CSMD3: variants seen among roughly 807,000 people sequenced by gnomAD.
CSMD3 encodes the protein CUB and sushi domain-containing protein 3.
A neutral mutation model predicts 435.2 loss-of-function variants in CSMD3; 177 were observed. The ratio of observed to expected loss-of-function variants is 0.41; its 90% CI spans 0.36 to 0.46. CSMD3 has a LOEUF of 0.46. CSMD3 is among the 20% of genes least tolerant of loss of function. The pLI is 0.34. For missense variants in CSMD3, 4,265 were observed against 4,504.6 expected (o/e 0.95, Z 1.52); for synonymous variants, 1,656 against 1,520.5 (o/e 1.09, Z -2.07).
At chr8:113,122,720 G>A (rs144449255) in intron 4 of CSMD3, among the ~76,000 whole-genome samples, 16 of 152,188 alleles carry the variant, frequency 1.1e-4, no homozygotes, top group Non-Finnish European at 2.2e-4. Flanking sequence ...TTCCAGAAAG[G>A]AATGCAGCTC....
At chr8:112,636,538 TTCTATCTATCTATCTATCTATCTATCTA>T (rs5894094) in intron 22 of CSMD3, among the ~76,000 whole-genome samples, 18 of 149,454 alleles carry the variant, frequency 1.2e-4, no homozygotes, top group East Asian at 2.0e-4. Context: ...TCTATCATAT[TTCTATCTATCTATCTATCTATCTATCTA>T]TCTATCTATC....
At position 113,121,130 on chromosome 8, in the gene CSMD3, C is replaced by A. The variant is rs540428287; in HGVS notation, c.710-22167G>T. Among the ~76,000 whole-genome samples, 309 of 152,124 alleles carry A rather than the reference C, an allele frequency of 2.0e-3. No homozygotes were observed. In the Middle Eastern group the frequency reaches 0.031, roughly 15 times the overall value. ...TTCCAAATCAATTTAGTTTTGTGTGCTAATATTTTATTAGAGCCCTGGAGA... is the reference window on the plus strand; with the variant it reads ...TTCCAAATCAATTTAGTTTTGTGTGATAATATTTTATTAGAGCCCTGGAGA... On this transcript the variant is annotated intron_variant, in intron 4 of 70. Coordinates refer to ENST00000297405, the MANE Select transcript of CSMD3 (RefSeq NM_198123.2).
At chr8:113,355,317 TAGTC>T (rs1281622489) in intron 1 of CSMD3, among the ~76,000 whole-genome samples, 1 of 151,986 alleles carries the variant, frequency 6.6e-6, no homozygotes, top group East Asian at 1.9e-4. Flanking sequence ...CAGGTTTTCT[TAGTC>T]AGTTCTGGCT....
At chr8:112,594,195 G>C (rs553742054) in intron 22 of CSMD3, among the ~76,000 whole-genome samples, 1 of 152,182 alleles carries the variant, frequency 6.6e-6, no homozygotes, top group Non-Finnish European at 1.5e-5. Context: ...GCGAGGCATT[G>C]CCTCACTTGG....
intron 7 of CSMD3, among the ~76,000 whole-genome samples, chr8:112,958,750 A>G (rs1302368638): frequency 6.6e-6 from 1 of 152,174 alleles, no homozygotes; most frequent in Non-Finnish European, 1.5e-5. Context: ...TCCAATATCA[A>G]CTTTTTTGAT....
At chr8:112,604,286 A>C (rs1832616630) in intron 22 of CSMD3, among the ~76,000 whole-genome samples, 1 of 152,028 alleles carries the variant, frequency 6.6e-6, no homozygotes, top group Non-Finnish European at 1.5e-5. Context: ...TTAGGATGTC[A>C]TTGGCTATTT....
chr8:113,019,089 A>C lies in CSMD3; in HGVS notation c.1008T>G (p.Arg336=), dbSNP rs990852309. ...TACCTTGATAGGGAGCACTAAATCC[A>C]CGGTATCGATGATTGCTGTCTGTAA... ...HFVTDSNHRY[R]GFSAPYQGSS... Residue 336 remains arginine (R), a synonymous_variant, in exon 6 of 71, where the codon CGT becomes CGG. Transcript: ENST00000297405. 1.2e-6 allele frequency: 2 copies of C among 1,611,366 alleles called. No individual in the cohort carries two copies. The highest frequency in any genetic ancestry group is 2.7e-5 in the African/African-American group (2 of 74,882).
intron 38 of CSMD3, among the ~76,000 whole-genome samples, chr8:112,355,576 G>A (rs1826516227): frequency 6.6e-6 from 1 of 152,176 alleles, no homozygotes; most frequent in African/African-American, 2.4e-5. Context: ...GCTCATGCCT[G>A]TAATCCCAGA....
rs1169504968 is a variant in CSMD3 at position 112,947,839 on chromosome 8, G to T, written c.1459C>A (p.Pro487Thr). ...CCATTTTCTGGTTCTCCTGGATCTGGGCATAAATTGGAAGCTGTTTTAATA... is the reference window on the plus strand; with the variant it reads ...CCATTTTCTGGTTCTCCTGGATCTGTGCATAAATTGGAAGCTGTTTTAATA... Reference protein sequence around the residue: ...GGIKTASNLCPDPGEPENGKR... With the variant: ...GGIKTASNLCTDPGEPENGKR... Residue 487 changes from proline to threonine, a missense_variant, in exon 9 of 71, where the codon CCA becomes ACA. By Grantham distance (38) the Pro-to-Thr change is conservative. Transcript: ENST00000297405. 1 of 1,551,288 alleles carries T rather than the reference G, an allele frequency of 6.4e-7. No individual in the cohort carries two copies. The highest frequency in any genetic ancestry group is 8.9e-7 in the Non-Finnish European group (1 of 1,125,274).
At chr8:113,365,620 C>T (rs182087264) in intron 1 of CSMD3, among the ~76,000 whole-genome samples, 109 of 152,080 alleles carry the variant, frequency 7.2e-4, no homozygotes, top group African/African-American at 2.5e-3. Flanking sequence ...AAATCATAGA[C>T]GTTGGCTGAG....
intron 3 of CSMD3, among the ~76,000 whole-genome samples, chr8:113,182,875 T>C (rs1278600160): frequency 4.8e-5 from 5 of 104,396 alleles, no homozygotes; most frequent in African/African-American, 1.1e-4. Flanking sequence ...GTTGTTGCTG[T>C]TGTTGTTGTT....
At position 113,019,109 on chromosome 8, in the gene CSMD3, C is replaced by A. The variant is rs1170757189; in HGVS notation, c.988G>T (p.Asp330Tyr). The A allele has an allele frequency of 6.2e-7, 1 of 1,613,488 alleles. No individual in the cohort carries two copies. The highest frequency in any genetic ancestry group is 8.5e-7 in the Non-Finnish European group (1 of 1,179,584). Residue 330 changes from aspartate to tyrosine, a missense_variant, in exon 6 of 71, where the codon GAC becomes TAC. This residue lies in a region of CSMD3 where 731 missense variants were observed against 755.4 expected (regional missense o/e 0.97). Coordinates refer to ENST00000297405, the MANE Select transcript of CSMD3 (RefSeq NM_198123.2). ...AATCCACGGTATCGATGATTGCTGT[C>A]TGTAACAAAATGCAGTCTGAGCCAG... The part of the protein sequence containing the change: ...KNWLRLHFVT[D>Y]SNHRYRGFSA...
chr8:112,264,074 A>G (rs1816702192), intron 60 of CSMD3, among the ~76,000 whole-genome samples: 1 of 152,128 alleles, frequency 6.6e-6, no homozygotes, highest in South Asian at 2.1e-4. Context: ...CTGACATCTC[A>G]GAGAAGGCAA....
At chr8:112,656,425 C>T in intron 17 of CSMD3, 84 bp from the exon 18 acceptor site, 4 of 1,016,872 alleles carry the variant, frequency 3.9e-6, no homozygotes, top group Non-Finnish European at 5.7e-6. Flanking sequence ...ATTTAAATTC[C>T]TATTTAAAAT....
intron 10 of CSMD3, among the ~76,000 whole-genome samples, chr8:112,905,593 G>A (rs577559316): frequency 1.3e-5 from 2 of 151,484 alleles, no homozygotes; most frequent in East Asian, 3.9e-4. Flanking sequence ...CCAGAGCAAA[G>A]ATGTGGGCAA....
chr8:113,234,510 A>T (rs2093126098), intron 3 of CSMD3, among the ~76,000 whole-genome samples: 4 of 152,262 alleles, frequency 2.6e-5, no homozygotes, highest in South Asian at 4.1e-4. Context: ...TAGGCTGGAA[A>T]CATTAATTCA....
At chr8:112,861,349 T>A (rs1038011314) in intron 10 of CSMD3, among the ~76,000 whole-genome samples, 1 of 151,854 alleles carries the variant, frequency 6.6e-6, no homozygotes, top group Non-Finnish European at 1.5e-5. Context: ...AAATTCCTAA[T>A]AGGGAGTATA....
At chr8:112,671,023 T>C (rs773802979) in intron 16 of CSMD3, among the ~76,000 whole-genome samples, 1 of 152,272 alleles carries the variant, frequency 6.6e-6, no homozygotes, top group East Asian at 1.9e-4. Context: ...AGGGCTGAGA[T>C]GAATTATTTG....
At chr8:113,035,412 T>C (rs976598213) in intron 5 of CSMD3, among the ~76,000 whole-genome samples, 10 of 151,968 alleles carry the variant, frequency 6.6e-5, no homozygotes, top group Non-Finnish European at 1.3e-4. Flanking sequence ...GGATGCATAC[T>C]ATATGATTTA....
Sources: allele counts gnomAD v4.1 joint callset (sites outside exome capture counted in the v4.1 genomes callset), GRCh38; gene constraint gnomAD v4.1.1; regional missense constraint gnomAD v4.1.1; transcripts MANE v1.5; gene names NCBI Gene and HGNC (gene_info 2026-07-23, HGNC 2026-07-21).